INPP5F: variants seen among roughly 807,000 people sequenced by gnomAD.
INPP5F encodes phosphatidylinositide 4-phosphatase SAC2.
Under a neutral mutation model 137.2 loss-of-function variants are expected in INPP5F, and 97 were observed. The ratio of observed to expected loss-of-function variants is 0.71; its 90% CI spans 0.60 to 0.84. The LOEUF (loss-of-function observed/expected upper bound fraction) is 0.84. Among genes scored for constraint, INPP5F ranks in the 40% least tolerant of loss-of-function variants. The pLI is 0.00. For synonymous variants in INPP5F, 504 were observed against 476.9 expected (o/e 1.06, Z -0.74); for missense variants, 1,271 against 1,371.9 (o/e 0.93, Z 1.16).
chr10:119,741,632 T>C (rs567288367), intron 1 of INPP5F, among the ~76,000 whole-genome samples: 19 of 152,304 alleles, frequency 1.2e-4, no homozygotes, highest in Middle Eastern at 6.8e-3. Flanking sequence ...CCTCCTGGGT[T>C]CAAGCCGTTC....
intron 6 of INPP5F, among the ~76,000 whole-genome samples, chr10:119,795,902 C>T (rs1406651348): frequency 1.3e-5 from 2 of 152,188 alleles, no homozygotes. Context: ...ACGGGGAAAC[C>T]CCGTCTCCAC....
intron 10 of INPP5F, 25 bp downstream of exon 10, chr10:119,804,322 G>C (rs771856810): frequency 6.3e-7 from 1 of 1,581,752 alleles, no homozygotes; most frequent in East Asian, 2.3e-5. Flanking sequence ...GGAGAATAGT[G>C]TTGATCAATT....
chr10:119,800,362 T>C (rs1850538885), intron 9 of INPP5F, among the ~76,000 whole-genome samples: 1 of 148,994 alleles, frequency 6.7e-6, no homozygotes, highest in Admixed American at 6.7e-5. Flanking sequence ...GAGACCACCC[T>C]GGTCAGCATG....
intron 9 of INPP5F, among the ~76,000 whole-genome samples, chr10:119,800,252 C>A (rs181677615): frequency 7.8e-4 from 119 of 152,036 alleles, no homozygotes; most frequent in Admixed American, 3.9e-3. Flanking sequence ...GGTCTCATAT[C>A]TAGAGTATAT....
intron 3 of INPP5F, among the ~76,000 whole-genome samples, chr10:119,784,897 T>A (rs1849828190): frequency 6.6e-6 from 1 of 152,142 alleles, no homozygotes; most frequent in Non-Finnish European, 1.5e-5. Context: ...CAACCACTAA[T>A]CTCCTTTCTG....
At chr10:119,826,559 C>T in intron 19 of INPP5F, 72 bp from the exon 20 acceptor site, 1 of 1,218,784 alleles carries the variant, frequency 8.2e-7, no homozygotes, top group Non-Finnish European at 1.2e-6. Context: ...ACTGTTTTCA[C>T]TTATGTTAAT....
chr10:119,790,597 T>TTATC (rs1180506477), intron 3 of INPP5F, among the ~76,000 whole-genome samples: 1 of 152,216 alleles, frequency 6.6e-6, no homozygotes, highest in Non-Finnish European at 1.5e-5. Context: ...TCTTCTCACT[T>TTATC]TATCTTAATA....
chr10:119,805,548 A>G lies in INPP5F; in HGVS notation c.1319+87A>G, dbSNP rs560525772. The G allele has an allele frequency of 8.3e-5, 76 of 918,430 alleles. 1 individual carries two copies. In the South Asian group the frequency reaches 9.9e-4, roughly 12 times the overall value. 56.9% of individuals were successfully genotyped at this position (918,430 alleles called of 1,614,324 possible). ...GCATTAAACTGATAGCAGCATGCAG[A>G]GACAGCATTTTTTTTTGTTCGTTTT... On this transcript the variant is annotated intron_variant, in intron 11 of 19. Coordinates refer to ENST00000650623, the MANE Select transcript of INPP5F (RefSeq NM_014937.4).
At chr10:119,771,882 ATTTTTTTTTTTTTTTTTTT>A (rs544724525) in intron 2 of INPP5F, among the ~76,000 whole-genome samples, 11 of 24,156 alleles carry the variant, frequency 4.6e-4, no homozygotes, top group Non-Finnish European at 5.9e-4. Flanking sequence ...ATATATATAT[ATTTTTTTTTTTTTTTTTTT>A]TTTTTTTTTT....
rs201573451 is a variant in INPP5F at position 119,826,619 on chromosome 10, T to A, written c.2250-12T>A. ...CATGGGGAATTAACTTTTTTTCTCT[T>A]CTAATTTGTAGGAAGAGCAGTAAAC... On this transcript the variant is annotated splice_polypyrimidine_tract_variant and intron_variant, in intron 19 of 19. Coordinates refer to ENST00000650623, the MANE Select transcript of INPP5F (RefSeq NM_014937.4). 1.4e-5 allele frequency: 21 copies of A among 1,552,742 alleles called. No homozygotes were observed. The highest frequency in any genetic ancestry group is 1.6e-5 in the Non-Finnish European group (18 of 1,154,582).
intron 15 of INPP5F, chr10:119,818,904 C>T (rs1159768483): frequency 6.6e-6 from 1 of 152,326 alleles, no homozygotes; most frequent in Non-Finnish European, 1.5e-5. Flanking sequence ...GTGGCTATGA[C>T]TTTCAAGATT....
intron 12 of INPP5F, 121 bp from the exon 13 acceptor site, chr10:119,807,811 C>A: frequency 3.3e-6 from 3 of 897,094 alleles, no homozygotes; most frequent in African/African-American, 1.7e-5. Context: ...CTGAAAAGAC[C>A]ATTTCTCTTA....
intron 2 of INPP5F, among the ~76,000 whole-genome samples, chr10:119,767,815 C>A (rs564021860): frequency 6.6e-6 from 1 of 152,108 alleles, no homozygotes; most frequent in Non-Finnish European, 1.5e-5. Flanking sequence ...TCAAAAATAA[C>A]AAAATGTTCA....
intron 2 of INPP5F, among the ~76,000 whole-genome samples, chr10:119,763,775 C>T (rs973843703): frequency 6.6e-6 from 1 of 152,182 alleles, no homozygotes; most frequent in African/African-American, 2.4e-5. Flanking sequence ...TAAGTCATAG[C>T]TCTCTTCTCG....
chr10:119,764,189 T>C (rs12771828), intron 2 of INPP5F, among the ~76,000 whole-genome samples: 9,136 of 152,266 alleles, frequency 0.06, 356 homozygotes, highest in South Asian at 0.22. Context: ...CCAAACTCTT[T>C]CAGCCTCTAC....
chr10:119,811,858 G>T lies in INPP5F; in HGVS notation c.1789G>T (p.Glu597Ter). The change falls in exon 15 of 20, where the codon GAA becomes TAA. Residue 597 changes from glutamate (E) to a stop codon, truncating the protein, a stop_gained. Transcript: ENST00000650623. LOFTEE classifies it high-confidence loss of function. Reference protein sequence around the residue: ...LHKENQRSHQELISQLLQSYM... With the variant: ...LHKENQRSHQ ...TAAGGAAAATCAGAGAAGCCACCAG[G>T]AACTAATTAGCCAGCTCTTACAAAG... is the stretch of plus-strand genomic sequence containing the variant. The T allele has an allele frequency of 6.2e-7, 1 of 1,614,104 alleles. No homozygotes were observed. Among genetic ancestry groups the T allele is most frequent in the Non-Finnish European group, 8.5e-7 (1 of 1,179,952 alleles).
At chr10:119,752,517 G>A (rs1051389795) in intron 2 of INPP5F, among the ~76,000 whole-genome samples, 30 of 151,676 alleles carry the variant, frequency 2.0e-4, no homozygotes, top group Non-Finnish European at 3.7e-4. Flanking sequence ...CCTGGGAGAT[G>A]GTGGTTGCAG....
chr10:119,784,850 C>T (rs563627364), intron 3 of INPP5F, among the ~76,000 whole-genome samples: 1 of 152,166 alleles, frequency 6.6e-6, no homozygotes. Flanking sequence ...GCAGCCACTC[C>T]TCACTTCCTC....
intron 2 of INPP5F, among the ~76,000 whole-genome samples, chr10:119,781,350 C>T (rs1027316249): frequency 1.3e-5 from 2 of 152,210 alleles, no homozygotes; most frequent in Non-Finnish European, 2.9e-5. Flanking sequence ...TTCTCACAGT[C>T]TCGCCAGCAC....
Sources: gnomAD v4.1 joint callset for allele counts (sites outside exome capture counted in the v4.1 genomes callset) on GRCh38, gnomAD v4.1.1 for gene constraint, MANE v1.5 for transcripts, NCBI Gene and HGNC (gene_info 2026-07-23, HGNC 2026-07-21) for gene names.